The following CEP164 variants were observed in gnomAD, a reference collection of about 807,000 sequenced individuals.
The protein encoded by CEP164 is centrosomal protein 164, also known as centrosomal protein of 164 kDa.
In CEP164, 162 loss-of-function variants were observed where a neutral mutation model predicts 182.7. The observed-to-expected ratio is 0.89, with a 90% CI of 0.78 to 1.01. CEP164 has a LOEUF of 1.01. CEP164 is among the 50% of genes least tolerant of loss of function. CEP164 has a pLI of 0.00. For synonymous variants in CEP164, 661 were observed against 690.0 expected, an observed-to-expected ratio of 0.96 and a Z score of 0.66; for missense variants, 1,735 against 1,790.4, an observed-to-expected ratio of 0.97 and a Z score of 0.56.
rs1052978293 is a variant in CEP164, at chr11:117,380,622, A to G, written c.1326A>G (p.Gln442=). 4.4e-6 allele frequency: 7 copies of G among 1,600,898 alleles called. No individual in the cohort carries two copies. In the East Asian group the frequency reaches 1.3e-4, roughly 31 times the overall value. ...TTGCTTCTCTCCTACAGGCCCAGCA[A>G]CCACTGGGAATAGAAGACAAGGATG... is the stretch of plus-strand genomic sequence containing the variant. ...VLGGACRQAQ[Q]PLGIEDKDDS... Residue 442 remains glutamine, a synonymous_variant, in exon 12 of 33, where the codon CAA becomes CAG. Transcript: ENST00000278935.
intron 4 of CEP164, among the ~76,000 whole-genome samples, chr11:117,347,462 G>C: frequency 6.6e-6 from 1 of 152,000 alleles, no homozygotes; most frequent in East Asian, 1.9e-4. Flanking sequence ...TGGAATCCCA[G>C]CACTTTGGGA....
intron 25 of CEP164, among the ~76,000 whole-genome samples, 177 bp downstream of exon 25, chr11:117,396,357 A>G (rs1256553331): frequency 6.6e-6 from 1 of 152,088 alleles, no homozygotes; most frequent in Non-Finnish European, 1.5e-5. Context: ...TCTGTTCTCT[A>G]TGGGACCTGG....
chr11:117,351,976 C>T lies in CEP164; in HGVS notation c.381C>T (p.Pro127=), dbSNP rs375951540. 21 of 1,578,506 alleles carry T rather than the reference C, an allele frequency of 1.3e-5. No individual in the cohort carries two copies. The African/African-American group carries it at 1.8e-4, about 13-fold the overall frequency. ...EKKDKKDRDP[P]KSSLALGSSL... ...AAGACAAGAAGGACAGAGACCCCCC[C>T]AAAAGTTCGCTGGTGAGTCAGTGGA... The change falls in exon 5 of 33, where the codon CCC becomes CCT. Residue 127 remains proline (P), a synonymous_variant. Transcript: ENST00000278935.
Position 117,394,572 on chromosome 11 carries a change from C to T in CEP164, c.2760+79C>T, listed in dbSNP as rs2045181229. ...AAGGTGCTGGGAGCAGACGCATGGC[C>T]CCAGCAGGATGCAGCCTGACAGCTT... On this transcript the variant is annotated intron_variant, in intron 21 of 32. Coordinates refer to ENST00000278935, the MANE Select transcript of CEP164 (RefSeq NM_014956.5). The surrounding 1 kb of genome is among the most constrained non-coding windows in gnomAD (Gnocchi z 4.0). 6.5e-7 allele frequency: 1 copy of T among 1,538,462 alleles called. No individual in the cohort carries two copies. Among genetic ancestry groups the T allele is most frequent in the Non-Finnish European group, 8.8e-7 (1 of 1,136,538 alleles).
In CEP164 at chr11:117,394,324, C is replaced by A; in HGVS notation, c.2617-26C>A. 1 of 1,573,674 alleles carries A rather than the reference C, an allele frequency of 6.4e-7. No homozygotes were observed. The highest frequency in any genetic ancestry group is 8.6e-7 in the Non-Finnish European group (1 of 1,159,470). On this transcript the variant is annotated intron_variant, in intron 20 of 32. Transcript: ENST00000278935. This position sits in a 1 kb window ranked among gnomAD's most constrained non-coding sequence, Gnocchi z 4.0. The stretch of plus-strand genomic sequence containing the variant: ...GGTAGAAGGGGCTGCCGCAGCTTCC[C>A]ACCGGTGGGCCCACCCTCCTTGCAG...
chr11:117,387,076 C>T (rs2136241047), intron 14 of CEP164, 127 bp from the exon 15 acceptor site: 1 of 836,938 alleles, frequency 1.2e-6, no homozygotes, highest in South Asian at 1.6e-5. Flanking sequence ...TGGGTGACCT[C>T]TTTGACTCCT....
chr11:117,382,416 G>A (rs2043427830), intron 13 of CEP164, among the ~76,000 whole-genome samples: 1 of 152,186 alleles, frequency 6.6e-6, no homozygotes, highest in Admixed American at 6.5e-5. Context: ...CAAGAGCGTG[G>A]TGGACATTTG....
Position 117,333,742 on chromosome 11 carries a change from C to T in CEP164, c.-97-1863C>T, listed in dbSNP as rs75018245. ...GGTAAGACAGGGTCGTCTTATGTTG[C>T]TCACGGTGGTCTTGAACTCCTGGGC... On this transcript the variant is annotated intron_variant, in intron 1 of 32. Transcript: ENST00000278935. Among the ~76,000 whole-genome samples the T allele has an allele frequency of 2.0e-4, 31 of 152,044 alleles. No individual in the cohort carries two copies. The East Asian group carries it at 5.4e-3, about 27-fold the overall frequency.
Position 117,362,935 on chromosome 11 carries a change from T to G in CEP164, c.687+397T>G, listed in dbSNP as rs570030949. On this transcript the variant is annotated intron_variant, in intron 7 of 32. Coordinates refer to ENST00000278935, the MANE Select transcript of CEP164 (RefSeq NM_014956.5). ...CAATGTTTGTCCTTTTGTGTCTGGC[T>G]TATTTCACTTAGCATAATGTTTCAA... 3.3e-4 allele frequency among the ~76,000 whole-genome samples: 51 copies of G among 152,366 alleles called. 1 individual carries two copies. The highest frequency in any genetic ancestry group is 2.5e-4 in the Non-Finnish European group (17 of 68,032).
chr11:117,397,423 G>T (rs1314000897), intron 27 of CEP164, 110 bp downstream of exon 27: 3 of 1,024,136 alleles, frequency 2.9e-6, no homozygotes, highest in Admixed American at 5.4e-5. Flanking sequence ...GACTCCATGA[G>T]AGTGGCCACC....
intron 5 of CEP164, chr11:117,355,694 A>G: frequency 8.5e-7 from 1 of 1,182,410 alleles, no homozygotes; most frequent in Non-Finnish European, 1.1e-6. Context: ...AGGCAGCGGG[A>G]GGAGGAGGAG....
In CEP164 at chr11:117,394,548, A is replaced by G. The variant is rs1565589130; in HGVS notation, c.2760+55A>G. On this transcript the variant is annotated intron_variant, in intron 21 of 32. Transcript: ENST00000278935. This position sits in a 1 kb window ranked among gnomAD's most constrained non-coding sequence, Gnocchi z 4.0. ...TGTGACCCCTCCATGCACAGTAGGA[A>G]GGTGCTGGGAGCAGACGCATGGCCC... 6.3e-7 allele frequency: 1 copy of G among 1,594,706 alleles called. No homozygotes were observed. Among genetic ancestry groups the G allele is most frequent in the Non-Finnish European group, 8.5e-7 (1 of 1,169,978 alleles).
At chr11:117,396,242 G>A (rs936486128) in intron 25 of CEP164, 62 bp downstream of exon 25, 2 of 1,566,504 alleles carry the variant, frequency 1.3e-6, no homozygotes, top group Non-Finnish European at 1.7e-6. Flanking sequence ...ATTGGGAGGG[G>A]CTGGGCATCA....
rs1224982542 is a variant in CEP164 at position 117,338,560 on chromosome 11, A to T, written c.-21-6A>T. 1.9e-6 allele frequency: 3 copies of T among 1,597,934 alleles called. No individual in the cohort carries two copies. The South Asian group carries it at 3.3e-5, about 18-fold the overall frequency. ...TTCTCTTTTGGTGGGGGCCTCTGGG[A>T]TCTAGGTGTTTGAGCCCAGATGAGT... On this transcript the variant is annotated splice_region_variant and splice_polypyrimidine_tract_variant and intron_variant, in intron 2 of 32. Coordinates refer to ENST00000278935, the MANE Select transcript of CEP164 (RefSeq NM_014956.5).
intron 9 of CEP164, 78 bp downstream of exon 9, chr11:117,371,544 C>T: frequency 2.0e-6 from 3 of 1,496,022 alleles, no homozygotes; most frequent in East Asian, 2.3e-5. Context: ...GGGTCCTATC[C>T]CCACATCTTT....
At chr11:117,325,426 A>C (rs2035393635), upstream of CEP164, among the ~76,000 whole-genome samples, 1 of 148,460 alleles carries the variant, frequency 6.7e-6, no homozygotes, top group Non-Finnish European at 1.5e-5. Context: ...GCTCTTGTCA[A>C]ACAGGGTGGA....
At chr11:117,399,762 T>G (rs530244006) in intron 27 of CEP164, among the ~76,000 whole-genome samples, 48 of 152,352 alleles carry the variant, frequency 3.2e-4, no homozygotes, top group African/African-American at 1.1e-3. Context: ...TTTTATGTGT[T>G]TGTTGGCTGC....
intron 27 of CEP164, among the ~76,000 whole-genome samples, chr11:117,401,338 G>A (rs890769660): frequency 2.6e-5 from 4 of 152,156 alleles, no homozygotes; most frequent in Non-Finnish European, 1.5e-5. Flanking sequence ...GGATGAAGCC[G>A]ACTTGATTGT....
At position 117,390,873 on chromosome 11, in the gene CEP164, C is replaced by G. The variant is rs761278682; in HGVS notation, c.2031C>G (p.Val677=). Residue 677 remains valine, a synonymous_variant, in exon 16 of 33, where the codon GTC becomes GTG. Transcript: ENST00000278935. ...GGCTATCCTGGCTCCGAGCTCAGGT[C>G]CAGTCCAGCACACAAGCAGATGAGG... is the stretch of plus-strand genomic sequence containing the variant. ...SQRLSWLRAQ[V]QSSTQADEDQ... 3 of 1,613,678 alleles carry G rather than the reference C, an allele frequency of 1.9e-6. No homozygotes were observed. Among genetic ancestry groups the G allele is most frequent in the Non-Finnish European group, 2.5e-6 (3 of 1,179,970 alleles).
Sources: gnomAD v4.1 joint callset for allele counts (sites outside exome capture counted in the v4.1 genomes callset) on GRCh38, gnomAD v4.1.1 for gene constraint, Gnocchi (gnomAD v3.1) non-coding constraint, MANE v1.5 for transcripts, NCBI Gene and HGNC (gene_info 2026-07-23, HGNC 2026-07-21) for gene names.